The following RIMBP2 variants were observed in gnomAD, a reference collection of about 807,000 sequenced individuals.
RIMBP2 encodes the protein RIMS-binding protein 2.
A neutral mutation model predicts 118.6 loss-of-function variants in RIMBP2; 48 were observed. The observed-to-expected ratio is 0.40, with a 90% CI of 0.32 to 0.51. The LOEUF (loss-of-function observed/expected upper bound fraction) is 0.51, where lower values mean the gene tolerates loss of function less well. Among genes scored for constraint, RIMBP2 ranks in the 20% least tolerant of loss-of-function variants. The pLI, the probability that RIMBP2 is intolerant of heterozygous loss-of-function variation, is 0.41. For synonymous variants in RIMBP2, 762 were observed against 742.9 expected, an observed-to-expected ratio of 1.03 and a Z score of -0.42; for missense variants, 1,551 against 1,768.3, an observed-to-expected ratio of 0.88 and a Z score of 2.20.
chr12:130,713,639 G>A (rs536292695), intron 1 of RIMBP2, among the ~76,000 whole-genome samples: 31 of 152,312 alleles, frequency 2.0e-4, no homozygotes, highest in African/African-American at 7.0e-4. Flanking sequence ...CCAGCACCAC[G>A]CGGATTCCAA....
chr12:130,622,425 T>C lies in RIMBP2; in HGVS notation c.-217+5897A>G, dbSNP rs2061375548. 6.6e-6 allele frequency among the ~76,000 whole-genome samples: 1 copy of C among 152,174 alleles called. No individual in the cohort carries two copies. Among genetic ancestry groups the C allele is most frequent in the African/African-American group, 2.4e-5 (1 of 41,444 alleles). ...AACTGTTGGTTAATTCACTAGTTAT[T>C]TTGTACATAAATTCACTATTCACTA... is the stretch of plus-strand genomic sequence containing the variant. On this transcript the variant is annotated intron_variant, in intron 2 of 22. Transcript: ENST00000690449. This position sits in a 1 kb window ranked among gnomAD's most constrained non-coding sequence, Gnocchi z 8.5.
At chr12:130,661,036 TGGC>T (rs2063638545) in intron 1 of RIMBP2, among the ~76,000 whole-genome samples, 1 of 152,046 alleles carries the variant, frequency 6.6e-6, no homozygotes, top group Non-Finnish European at 1.5e-5. Flanking sequence ...CTGGCCAACA[TGGC>T]AAGACCCTGT....
At chr12:130,603,598 G>A (rs2059993054) in intron 2 of RIMBP2, among the ~76,000 whole-genome samples, 1 of 152,194 alleles carries the variant, frequency 6.6e-6, no homozygotes, top group African/African-American at 2.4e-5. Flanking sequence ...ACAGGCATAA[G>A]ATACACTTGC....
intron 7 of RIMBP2, 84 bp from the exon 8 acceptor site, chr12:130,451,424 C>T (rs1461824072): frequency 3.6e-6 from 5 of 1,397,762 alleles, no homozygotes; most frequent in Middle Eastern, 1.8e-4. Context: ...ACCCGGGGTG[C>T]CTTTCCCCTC....
Position 130,561,267 on chromosome 12 carries a change from C to T in RIMBP2, c.-216-43350G>A, listed in dbSNP as rs546151702. On this transcript the variant is annotated intron_variant, in intron 2 of 22. Transcript: ENST00000690449. ...TCGTTTCAGCCATGTGGTCTGTGGTCCTTTGTCATGGCAGCACTAGCAAAT... is the reference window on the plus strand; with the variant it reads ...TCGTTTCAGCCATGTGGTCTGTGGTTCTTTGTCATGGCAGCACTAGCAAAT... Among the ~76,000 whole-genome samples the T allele has an allele frequency of 1.9e-4, 29 of 152,288 alleles. 2 individuals are homozygous for T. In the Middle Eastern group the frequency reaches 0.014, roughly 71 times the overall value.
chr12:130,438,335 A>AGCCACCCCCCCCCC, intron 12 of RIMBP2, 30 bp downstream of exon 12: 1 of 865,014 alleles, frequency 1.2e-6, no homozygotes. Context: ...GGCCTAACAA[A>AGCCACCCCCCCCCC]CCCTCCCCAC....
chr12:130,452,180 C>T (rs2079060270), intron 7 of RIMBP2, among the ~76,000 whole-genome samples: 1 of 152,242 alleles, frequency 6.6e-6, no homozygotes, highest in South Asian at 2.1e-4. Flanking sequence ...CACCCCCTCC[C>T]TGGGGTCCTC....
intron 4 of RIMBP2, among the ~76,000 whole-genome samples, chr12:130,481,209 GAC>G (rs1593465305): frequency 5.9e-4 from 89 of 152,022 alleles, no homozygotes; most frequent in Middle Eastern, 3.4e-3. Context: ...GGAGGAGGCA[GAC>G]AGGCTGATTA....
intron 1 of RIMBP2, among the ~76,000 whole-genome samples, chr12:130,709,911 G>A (rs1052948446): frequency 3.3e-5 from 5 of 152,260 alleles, no homozygotes; most frequent in Middle Eastern, 3.4e-3. Context: ...GGGCAGGAGG[G>A]AGGCAGGGGA....
intron 5 of RIMBP2, among the ~76,000 whole-genome samples, chr12:130,473,333 C>T (rs1236679742): frequency 4.6e-5 from 7 of 152,230 alleles, no homozygotes; most frequent in Admixed American, 4.6e-4. Flanking sequence ...GAGACTGGAG[C>T]TCCCGACGCT....
At position 130,446,018 on chromosome 12, in the gene RIMBP2, C is replaced by T. The variant is rs923813664; in HGVS notation, c.582-749G>A. On this transcript the variant is annotated intron_variant, in intron 9 of 22. Transcript: ENST00000690449. This position sits in a 1 kb window ranked among gnomAD's most constrained non-coding sequence, Gnocchi z 4.1. Reference sequence around the variant, plus strand: ...AGAAAAACAGACGCATGATTTTATGCTCCCCCCCCCCACACCCCCAGGAAT... The same window carrying T: ...AGAAAAACAGACGCATGATTTTATGTTCCCCCCCCCCACACCCCCAGGAAT... 7.9e-5 allele frequency among the ~76,000 whole-genome samples: 1 copy of T among 12,668 alleles called. No individual in the cohort carries two copies. The allele number at this position is 12,668 out of a possible 152,430, so 8.3% of individuals were successfully genotyped here. A position where few individuals can be genotyped will look rare whatever the true frequency, so the allele number is the denominator to read the frequency against.
chr12:130,513,562 T>C (rs1454374524), intron 3 of RIMBP2, among the ~76,000 whole-genome samples: 2 of 152,088 alleles, frequency 1.3e-5, no homozygotes, highest in Non-Finnish European at 2.9e-5. Flanking sequence ...AGAAGAAATT[T>C]GAATTATTTT....
rs368533182 is a variant in RIMBP2, at chr12:130,580,970, T to G, written c.-217+47352A>C. Among the ~76,000 whole-genome samples, 43 of 152,150 alleles carry G rather than the reference T, an allele frequency of 2.8e-4. No homozygotes were observed. The East Asian group carries it at 4.6e-3, about 16-fold the overall frequency. On this transcript the variant is annotated intron_variant, in intron 2 of 22. Coordinates refer to ENST00000690449, the MANE Select transcript of RIMBP2 (RefSeq NM_001393629.1). ...GTGTTTGTTTGTGTGTGTGTGTGTA[T>G]GTATATATAGATATATATTAAAATA...
intron 2 of RIMBP2, among the ~76,000 whole-genome samples, chr12:130,582,269 T>C (rs1458141694): frequency 6.6e-6 from 1 of 152,188 alleles, no homozygotes; most frequent in African/African-American, 2.4e-5. Context: ...CACTATTGTA[T>C]TTTCTGTGCC....
intron 2 of RIMBP2, among the ~76,000 whole-genome samples, chr12:130,604,582 C>CTGTTTTTTTTT (rs1555305685): frequency 4.5e-5 from 3 of 67,266 alleles, no homozygotes; most frequent in African/African-American, 1.8e-4. Context: ...TGCCCCTTTT[C>CTGTTTTTTTTT]TTTCTTTTTT....
chr12:130,509,093 C>A (rs1260064539), intron 3 of RIMBP2, among the ~76,000 whole-genome samples: 4 of 152,190 alleles, frequency 2.6e-5, no homozygotes, highest in Non-Finnish European at 2.9e-5. Context: ...CTGAGCTGCT[C>A]CCCTTAGAAA....
chr12:130,602,697 G>T (rs575968239), intron 2 of RIMBP2, among the ~76,000 whole-genome samples: 6 of 152,342 alleles, frequency 3.9e-5, no homozygotes, highest in African/African-American at 1.4e-4. Context: ...ACAAACAGAT[G>T]TAGACGGTCG....
rs910830964 is a variant in RIMBP2 at position 130,646,099 on chromosome 12, C to G, written c.-351-17643G>C. ...CCTCCCTCACCACTTCCCTCTCCACCTCCCTCTCCACCTCCCTCACCACCT... is the reference window on the plus strand; with the variant it reads ...CCTCCCTCACCACTTCCCTCTCCACGTCCCTCTCCACCTCCCTCACCACCT... On this transcript the variant is annotated intron_variant, in intron 1 of 22. Coordinates refer to ENST00000690449, the MANE Select transcript of RIMBP2 (RefSeq NM_001393629.1). 4.4e-5 allele frequency among the ~76,000 whole-genome samples: 5 copies of G among 112,610 alleles called. No homozygotes were observed. The East Asian group carries it at 1.0e-3, about 23-fold the overall frequency. The allele number at this position is 112,610 out of a possible 152,430, so 73.9% of individuals were successfully genotyped here.
At chr12:130,677,676 C>T (rs1048395926) in intron 1 of RIMBP2, among the ~76,000 whole-genome samples, 2 of 152,086 alleles carry the variant, frequency 1.3e-5, no homozygotes, top group African/African-American at 4.8e-5. Flanking sequence ...GTGTTAACTA[C>T]GTGTTAATAC....
Sources: gnomAD v4.1 joint callset for allele counts (sites outside exome capture counted in the v4.1 genomes callset) on GRCh38, gnomAD v4.1.1 for gene constraint, Gnocchi (gnomAD v3.1) non-coding constraint, MANE v1.5 for transcripts, NCBI Gene and HGNC (gene_info 2026-07-23, HGNC 2026-07-21) for gene names.